The following EYS variants were observed in gnomAD, a reference collection of about 807,000 sequenced individuals.
EYS encodes EGF-like photoreceptor maintenance factor.
In EYS, 250 loss-of-function variants were observed where a neutral mutation model predicts 282.1. The ratio of observed to expected loss-of-function variants is 0.89; its 90% confidence interval spans 0.80 to 0.98. The LOEUF is 0.98. Among genes scored for constraint, EYS ranks in the 50% least tolerant of loss-of-function variants. The pLI, the probability that EYS is intolerant of heterozygous loss-of-function variation, is 0.00. For missense variants in EYS, 4,016 were observed against 3,709.0 expected (o/e 1.08, Z -2.15); for synonymous variants, 1,355 against 1,282.9 (o/e 1.06, Z -1.20).
intron 33 of EYS, among the ~76,000 whole-genome samples, chr6:64,031,454 G>A (rs944221533): frequency 5.3e-5 from 8 of 152,146 alleles, no homozygotes; most frequent in African/African-American, 1.2e-4. Flanking sequence ...GATCAGGATC[G>A]CCCCCTGCTT....
chr6:64,948,559 ATTTAATAT>A (rs200448143), intron 14 of EYS, among the ~76,000 whole-genome samples: 28,800 of 146,278 alleles, frequency 0.2, 2,990 homozygotes, highest in East Asian at 0.25. Flanking sequence ...TAATATTAAT[ATTTAATAT>A]TTTAATATTA....
intron 12 of EYS, among the ~76,000 whole-genome samples, chr6:65,221,562 A>G (rs772477112): frequency 3.3e-4 from 50 of 152,216 alleles, no homozygotes; most frequent in Admixed American, 2.6e-3. Context: ...AAACACCTGG[A>G]TATCTGGGCA....
intron 35 of EYS, among the ~76,000 whole-genome samples, chr6:63,962,975 T>A (rs746413550): frequency 2.2e-4 from 34 of 152,214 alleles, no homozygotes; most frequent in Non-Finnish European, 4.3e-4. Context: ...TGGATGAAGC[T>A]GGAAACCATC....
intron 15 of EYS, among the ~76,000 whole-genome samples, chr6:64,931,635 A>G (rs1768725868): frequency 6.6e-6 from 1 of 152,140 alleles, no homozygotes; most frequent in African/African-American, 2.4e-5. Flanking sequence ...TTTGAAAACA[A>G]GATCAATGTT....
intron 28 of EYS, among the ~76,000 whole-genome samples, chr6:64,419,825 G>A (rs867450612): frequency 2.0e-5 from 3 of 152,236 alleles, no homozygotes; most frequent in Non-Finnish European, 4.4e-5. Flanking sequence ...GGTGTTGAAT[G>A]TCTGTGGCTT....
In EYS at chr6:65,002,969, G is replaced by A. The variant is rs564283241; in HGVS notation, c.2138-5266C>T. ...CTGTCAGCTGAGGAGGATGTATATC[G>A]CCTCAGGACCCTGTAATAATTGCAT... On this transcript the variant is annotated intron_variant, in intron 13 of 42. Transcript: ENST00000503581. Among the ~76,000 whole-genome samples, 57 of 147,094 alleles carry A rather than the reference G, an allele frequency of 3.9e-4. 5 individuals are homozygous for A. The highest frequency in any genetic ancestry group is 6.8e-4 in the Non-Finnish European group (45 of 65,776).
At chr6:64,828,947 C>A (rs1765137726) in intron 19 of EYS, among the ~76,000 whole-genome samples, 1 of 151,870 alleles carries the variant, frequency 6.6e-6, no homozygotes, top group African/African-American at 2.4e-5. Flanking sequence ...AGAGGTTACC[C>A]AAGAAGGTAA....
chr6:63,855,385 G>A (rs1420995970), intron 36 of EYS, among the ~76,000 whole-genome samples: 1 of 152,188 alleles, frequency 6.6e-6, no homozygotes, highest in East Asian at 1.9e-4. Context: ...TATCGCACTA[G>A]TGTACTGTGA....
rs192014150 is a variant in EYS at position 64,773,467 on chromosome 6, G to A, written c.3443+39911C>T. ...TGTGCATGTGTCTTTATGGTAGAAC[G>A]ATTTATAGTCTTTTGGATATGCTCA... On this transcript the variant is annotated intron_variant, in intron 22 of 42. Coordinates refer to ENST00000503581, the MANE Select transcript of EYS (RefSeq NM_001142800.2). Among the ~76,000 whole-genome samples, 8 of 151,856 alleles carry A rather than the reference G, an allele frequency of 5.3e-5. No homozygotes were observed. In the East Asian group the frequency reaches 1.5e-3, roughly 29 times the overall value.
chr6:64,645,947 T>G (rs1047083784), intron 22 of EYS, among the ~76,000 whole-genome samples: 5 of 152,218 alleles, frequency 3.3e-5, no homozygotes, highest in African/African-American at 1.2e-4. Flanking sequence ...AGTATATTTT[T>G]AAATCTTTTA....
intron 14 of EYS, among the ~76,000 whole-genome samples, chr6:64,994,352 C>T (rs971379674): frequency 6.6e-6 from 1 of 151,922 alleles, no homozygotes; most frequent in East Asian, 1.9e-4. Flanking sequence ...CATCATGATG[C>T]TGCAATACAA....
intron 12 of EYS, among the ~76,000 whole-genome samples, chr6:65,087,353 C>G (rs1333653051): frequency 7.2e-5 from 11 of 152,054 alleles, no homozygotes; most frequent in Admixed American, 6.6e-4. Flanking sequence ...GCCATTGGTG[C>G]CCTCTTATTG....
chr6:64,609,055 G>C (rs1249127320), intron 24 of EYS, among the ~76,000 whole-genome samples: 2 of 152,252 alleles, frequency 1.3e-5, no homozygotes, highest in Middle Eastern at 3.4e-3. Flanking sequence ...CAGACTTTGG[G>C]TGATAATGAT....
intron 12 of EYS, among the ~76,000 whole-genome samples, chr6:65,153,819 A>G (rs1764673820): frequency 6.6e-6 from 1 of 151,954 alleles, no homozygotes; most frequent in Non-Finnish European, 1.5e-5. Context: ...TTTAGGCATG[A>G]TTTGTTGCAC....
intron 22 of EYS, among the ~76,000 whole-genome samples, chr6:64,673,692 A>G (rs1236306787): frequency 2.6e-5 from 4 of 152,098 alleles, no homozygotes; most frequent in African/African-American, 9.7e-5. Flanking sequence ...CTAAATTCAG[A>G]AATAATCAGA....
chr6:65,102,634 G>A (rs1774926983), intron 12 of EYS, among the ~76,000 whole-genome samples: 2 of 151,048 alleles, frequency 1.3e-5, no homozygotes, highest in South Asian at 2.1e-4. Flanking sequence ...TTTGGGGAAA[G>A]TTTAACAGGA....
At position 65,442,413 on chromosome 6, in the gene EYS, CAATT is replaced by C. The variant is rs568873701; in HGVS notation, c.863-37050_863-37047del. ...TTTTATTATTTATTTTATGGTAAGG[CAATT>C]TTATTACTTCATACTGCTGTAAACT... On this transcript the variant is annotated intron_variant, in intron 5 of 42. Coordinates refer to ENST00000503581, the MANE Select transcript of EYS (RefSeq NM_001142800.2). 2.2e-3 allele frequency among the ~76,000 whole-genome samples: 329 copies of C among 151,984 alleles called. 2 individuals are homozygous for C. The highest frequency in any genetic ancestry group is 3.1e-3 in the Non-Finnish European group (209 of 67,958).
intron 41 of EYS, among the ~76,000 whole-genome samples, chr6:63,739,961 G>C (rs1485796857): frequency 7.9e-5 from 12 of 151,188 alleles, no homozygotes; most frequent in Admixed American, 7.9e-4. Flanking sequence ...GCCTCCCAAA[G>C]TGCTGGGATT....
intron 12 of EYS, among the ~76,000 whole-genome samples, chr6:65,263,755 TA>T (rs34207133): frequency 7.0e-6 from 1 of 142,670 alleles, no homozygotes; most frequent in Non-Finnish European, 1.5e-5. Flanking sequence ...TAAAATTAAA[TA>T]AAAAACAATT....
Sources: allele counts gnomAD v4.1 joint callset (sites outside exome capture counted in the v4.1 genomes callset), GRCh38; gene constraint gnomAD v4.1.1; transcripts MANE v1.5; gene names NCBI Gene and HGNC (gene_info 2026-07-23, HGNC 2026-07-21).